The following ADARB2 variants were observed in gnomAD, a reference collection of about 807,000 sequenced individuals.
ADARB2 encodes the protein inactive double-stranded RNA-specific editase B2.
ADARB2 carries 25 observed loss-of-function variants against 62.2 expected under a neutral mutation model. The ratio of observed to expected loss-of-function variants is 0.40; its 90% CI spans 0.29 to 0.56. The LOEUF (loss-of-function observed/expected upper bound fraction) is 0.56. ADARB2 is among the 20% of genes least tolerant of loss of function. The pLI is 0.43. For synonymous variants in ADARB2, 572 were observed against 500.8 expected, an observed-to-expected ratio of 1.14 and a Z score of -1.90; for missense variants, 1,071 against 1,077.4, an observed-to-expected ratio of 0.99 and a Z score of 0.08.
chr10:1,677,875 C>A (rs192560440), intron 1 of ADARB2, among the ~76,000 whole-genome samples: 1 of 152,316 alleles, frequency 6.6e-6, no homozygotes, highest in Non-Finnish European at 1.5e-5. Context: ...CCCTCACTCT[C>A]CCTAGGAAGC....
At chr10:1,579,650 T>C (rs1237537938) in intron 1 of ADARB2, among the ~76,000 whole-genome samples, 2 of 152,158 alleles carry the variant, frequency 1.3e-5, no homozygotes, top group Admixed American at 6.5e-5. Flanking sequence ...AAAAATAAAA[T>C]AAAGACTCCA....
At chr10:1,270,230 G>C (rs558935312) in intron 4 of ADARB2, among the ~76,000 whole-genome samples, 1 of 152,178 alleles carries the variant, frequency 6.6e-6, no homozygotes, top group Non-Finnish European at 1.5e-5. Context: ...TCAGCTCGAT[G>C]GTCTTTTTCC....
intron 4 of ADARB2, among the ~76,000 whole-genome samples, chr10:1,270,335 TGA>T (rs778870106): frequency 9.2e-5 from 14 of 152,322 alleles, no homozygotes; most frequent in South Asian, 8.3e-4. Flanking sequence ...CCCAAGTGTG[TGA>T]GAGTGTAGTG....
chr10:1,604,127 A>G (rs757601115), intron 1 of ADARB2, among the ~76,000 whole-genome samples: 3 of 152,138 alleles, frequency 2.0e-5, no homozygotes, highest in Non-Finnish European at 2.9e-5. Flanking sequence ...CTATCTATCT[A>G]TCTAGTCAAT....
intron 3 of ADARB2, among the ~76,000 whole-genome samples, chr10:1,273,167 C>T (rs139717547): frequency 6.7e-5 from 10 of 149,906 alleles, no homozygotes; most frequent in African/African-American, 2.2e-4. Context: ...CAGTCACCGT[C>T]ATGGGGTTGG....
At chr10:1,554,540 CT>C (rs924540197) in intron 1 of ADARB2, among the ~76,000 whole-genome samples, 3 of 152,092 alleles carry the variant, frequency 2.0e-5, no homozygotes, top group African/African-American at 7.2e-5. Flanking sequence ...GCACAACTTT[CT>C]TCCCCCGGGG....
intron 1 of ADARB2, among the ~76,000 whole-genome samples, chr10:1,710,712 T>C (rs547661984): frequency 2.0e-5 from 3 of 152,346 alleles, no homozygotes; most frequent in Non-Finnish European, 4.4e-5. Context: ...GGCACCTGAC[T>C]GTGAGCTCCC....
chr10:1,650,913 G>A (rs1040868496), intron 1 of ADARB2, among the ~76,000 whole-genome samples: 3 of 152,148 alleles, frequency 2.0e-5, no homozygotes, highest in African/African-American at 4.8e-5. Flanking sequence ...AGCTTTTCCC[G>A]GCTCATGTGA....
chr10:1,407,513 G>T (rs933661431), intron 1 of ADARB2, among the ~76,000 whole-genome samples: 4 of 152,218 alleles, frequency 2.6e-5, no homozygotes, highest in Non-Finnish European at 5.9e-5. Context: ...AGACTCAGAG[G>T]CTTGGGGAAG....
intron 1 of ADARB2, among the ~76,000 whole-genome samples, chr10:1,550,838 C>T (rs780803055): frequency 2.2e-4 from 33 of 149,762 alleles, no homozygotes; most frequent in South Asian, 4.3e-4. Flanking sequence ...CTCCGCCTAA[C>T]GGTCCCCGCG....
intron 1 of ADARB2, among the ~76,000 whole-genome samples, chr10:1,600,426 T>TTTG (rs1564343178): frequency 6.6e-6 from 1 of 151,952 alleles, no homozygotes; most frequent in East Asian, 2.0e-4. Flanking sequence ...TTTGGGAAGC[T>TTTG]GAGATGGGGG....
chr10:1,691,707 G>A (rs571065992), intron 1 of ADARB2, among the ~76,000 whole-genome samples: 2 of 152,220 alleles, frequency 1.3e-5, no homozygotes, highest in African/African-American at 4.8e-5. Flanking sequence ...GTGCTCACTG[G>A]GGCTGGCTCA....
intron 1 of ADARB2, among the ~76,000 whole-genome samples, chr10:1,658,483 TTCTG>T (rs768330392): frequency 9.9e-5 from 15 of 152,226 alleles, no homozygotes; most frequent in Middle Eastern, 3.4e-3. Flanking sequence ...CTCTGTCTGA[TTCTG>T]TCTGTCTCTT....
In ADARB2 at chr10:1,277,354, C is replaced by T. The variant is rs1047232756; in HGVS notation, c.1078-6285G>A. 5.9e-5 allele frequency among the ~76,000 whole-genome samples: 9 copies of T among 152,110 alleles called. No individual in the cohort carries two copies. In the South Asian group the frequency reaches 6.2e-4, roughly 11 times the overall value. On this transcript the variant is annotated intron_variant, in intron 3 of 9. Transcript: ENST00000381312. ...GAAAGGATCAACAAAATTGATAGAC[C>T]GCTAGCAAGACTAATAAAGAAGAAA...
At chr10:1,313,748 G>T (rs760690179) in intron 3 of ADARB2, among the ~76,000 whole-genome samples, 4 of 152,076 alleles carry the variant, frequency 2.6e-5, no homozygotes, top group Non-Finnish European at 5.9e-5. Context: ...TTAATCGAGG[G>T]GCCTTGCTTG....
At chr10:1,474,752 TG>T (rs1482857420) in intron 1 of ADARB2, among the ~76,000 whole-genome samples, 1 of 151,876 alleles carries the variant, frequency 6.6e-6, no homozygotes, top group Non-Finnish European at 1.5e-5. Context: ...GTCGACTGGG[TG>T]GGGCATCCAA....
chr10:1,438,833 G>A (rs1354026505), intron 1 of ADARB2, among the ~76,000 whole-genome samples: 4 of 139,588 alleles, frequency 2.9e-5, no homozygotes, highest in African/African-American at 1.1e-4. Context: ...GATGGAGGCA[G>A]GTCCTTCACT....
At chr10:1,320,171 A>G (rs1831782467) in intron 3 of ADARB2, among the ~76,000 whole-genome samples, 1 of 152,212 alleles carries the variant, frequency 6.6e-6, no homozygotes, top group South Asian at 2.1e-4. Context: ...GAAAGCATGC[A>G]TTGAAGTTGA....
intron 4 of ADARB2, among the ~76,000 whole-genome samples, chr10:1,261,232 C>G (rs551658879): frequency 1.3e-5 from 2 of 149,954 alleles, no homozygotes; most frequent in Admixed American, 1.3e-4. Context: ...CCATTCAGGA[C>G]ATAGGCATGG....
Sources: allele counts gnomAD v4.1 joint callset (sites outside exome capture counted in the v4.1 genomes callset), GRCh38; gene constraint gnomAD v4.1.1; transcripts MANE v1.5; gene names NCBI Gene and HGNC (gene_info 2026-07-23, HGNC 2026-07-21).